TET3: variants seen among roughly 807,000 people sequenced by gnomAD.
TET3 encodes the protein tet methylcytosine dioxygenase 3, also known as methylcytosine dioxygenase TET3.
In TET3, 19 loss-of-function variants were observed where a neutral mutation model predicts 141.4. That is an observed-to-expected ratio of 0.13 (90% confidence interval 0.09 to 0.20). The LOEUF (loss-of-function observed/expected upper bound fraction) is 0.20. Among genes scored for constraint, TET3 ranks in the 10% least tolerant of loss-of-function variants. The probability of loss-of-function intolerance (pLI) is 1.00; values close to 1 mark genes in which losing one functional copy is unlikely to be tolerated. For synonymous variants in TET3, 1,043 were observed against 980.9 expected (o/e 1.06, Z -1.18); for missense variants, 1,874 against 2,356.9 (o/e 0.80, Z 4.24).
the TET3 span, among the ~76,000 whole-genome samples, chr2:74,131,320 C>T: frequency 6.6e-6 from 1 of 152,148 alleles, no homozygotes; most frequent in African/African-American, 2.4e-5. Flanking sequence ...CCGCACTTCC[C>T]GATTTGGATT....
At chr2:73,996,487 G>C (rs1684600203) in intron 2 of TET3, among the ~76,000 whole-genome samples, 2 of 152,210 alleles carry the variant, frequency 1.3e-5, no homozygotes, top group South Asian at 4.2e-4. Context: ...ATTTGCATAG[G>C]AAATCTGATA....
chr2:74,043,655 G>A (rs1160875121), intron 3 of TET3, among the ~76,000 whole-genome samples: 4 of 152,204 alleles, frequency 2.6e-5, no homozygotes, highest in Non-Finnish European at 5.9e-5. Flanking sequence ...AAAGCCTGGT[G>A]ACATCAGAGA....
At chr2:74,128,125 C>T in the TET3 span, among the ~76,000 whole-genome samples, 1 of 152,186 alleles carries the variant, frequency 6.6e-6, no homozygotes, top group Admixed American at 6.6e-5. Flanking sequence ...CAGTGTTCTC[C>T]TTAAACCCAT....
the TET3 span, chr2:74,135,042 C>T: frequency 8.3e-6 from 2 of 239,586 alleles, no homozygotes; most frequent in East Asian, 1.1e-4. Context: ...GGCTCTGCCT[C>T]CTACCAAGAA....
intron 4 of TET3, among the ~76,000 whole-genome samples, chr2:74,054,074 A>G (rs1688087876): frequency 6.6e-6 from 1 of 152,148 alleles, no homozygotes; most frequent in Non-Finnish European, 1.5e-5. Flanking sequence ...GACATGTGGA[A>G]AGACACATGA....
At chr2:74,048,514 C>G in intron 4 of TET3, 103 bp downstream of exon 4, 1 of 1,235,398 alleles carries the variant, frequency 8.1e-7, no homozygotes, top group Non-Finnish European at 1.1e-6. Flanking sequence ...TTATTTGTGC[C>G]AACTGCCACA....
chr2:74,081,185 A>G (rs1036216844), intron 6 of TET3, among the ~76,000 whole-genome samples: 1 of 152,190 alleles, frequency 6.6e-6, no homozygotes, highest in Non-Finnish European at 1.5e-5. Flanking sequence ...CACAGGGAGA[A>G]CATCAGTGAC....
At chr2:74,043,917 T>G (rs1687475043) in intron 3 of TET3, among the ~76,000 whole-genome samples, 2 of 151,968 alleles carry the variant, frequency 1.3e-5, no homozygotes, top group South Asian at 4.1e-4. Flanking sequence ...CCCAACACTT[T>G]AGGAGGCTAA....
At chr2:74,036,955 A>G (rs1445767282) in intron 3 of TET3, among the ~76,000 whole-genome samples, 1 of 152,166 alleles carries the variant, frequency 6.6e-6, no homozygotes, top group African/African-American at 2.4e-5. Flanking sequence ...AAAAAATTAG[A>G]TTTTAAAATG....
chr2:74,037,517 TG>T (rs1436805085), intron 3 of TET3, among the ~76,000 whole-genome samples: 1 of 152,184 alleles, frequency 6.6e-6, no homozygotes, highest in Non-Finnish European at 1.5e-5. Context: ...AAGTACTGGG[TG>T]GAGTTTACTG....
At chr2:74,127,418 G>A in the TET3 span, among the ~76,000 whole-genome samples, 1 of 152,154 alleles carries the variant, frequency 6.6e-6, no homozygotes. Flanking sequence ...ATTGTAGTGA[G>A]AAAATCAGCT....
the TET3 span, among the ~76,000 whole-genome samples, chr2:74,127,443 G>A: frequency 3.3e-5 from 5 of 152,168 alleles, no homozygotes; most frequent in African/African-American, 1.2e-4. Flanking sequence ...TGGAAACCAT[G>A]GGGATTGGTT....
chr2:74,043,732 C>T (rs1457224502), intron 3 of TET3, among the ~76,000 whole-genome samples: 1 of 152,150 alleles, frequency 6.6e-6, no homozygotes, highest in Non-Finnish European at 1.5e-5. Flanking sequence ...GAGGATGAGA[C>T]AGGAACTGCG....
chr2:74,046,891 G>A lies in TET3; in HGVS notation c.974G>A (p.Ser325Asn), dbSNP rs774434122. The change falls in exon 4 of 12, where the codon AGC (serine) becomes AAC (asparagine). Residue 325 changes from serine (S) to asparagine (N), a missense_variant. By Grantham distance (46) the Ser-to-Asn change is conservative. Transcript: ENST00000409262. This position sits in a 1 kb window ranked among gnomAD's most constrained non-coding sequence, Gnocchi z 4.3. ...GCACCAAGCACCAGGCCACTCCTCA[G>A]CTCAGAGGTGCCCCAGATCTCTCCC... ...LPAPSTRPLL[S>N]SEVPQISPQE... The A allele has an allele frequency of 1.9e-6, 3 of 1,613,766 alleles. No individual in the cohort carries two copies. The highest frequency in any genetic ancestry group is 1.7e-5 in the Admixed American group (1 of 60,024).
chr2:74,032,447 GTCTC>G (rs148094084), intron 3 of TET3, among the ~76,000 whole-genome samples: 6 of 65,496 alleles, frequency 9.2e-5, no homozygotes, highest in African/African-American at 5.4e-4. Context: ...AGAGGGGTGT[GTCTC>G]TGTGTGTGTG....
In TET3 at chr2:74,088,207, T is replaced by G. The variant is rs1399009756; in HGVS notation, c.2888+169T>G. ...AGGAAGGCATATCCACAGATCTTGC[T>G]TGAGCTGGGTTCTAGCTCTGGCTCC... is the stretch of plus-strand genomic sequence containing the variant. On this transcript the variant is annotated intron_variant, in intron 7 of 11. Coordinates refer to ENST00000409262, the MANE Select transcript of TET3 (RefSeq NM_001287491.2). Among the ~76,000 whole-genome samples, 9 of 152,210 alleles carry G rather than the reference T, an allele frequency of 5.9e-5. 1 individual carries two copies. The highest frequency in any genetic ancestry group is 5.9e-4 in the Admixed American group (9 of 15,278).
chr2:73,992,571 C>T (rs1684387440), intron 2 of TET3, among the ~76,000 whole-genome samples: 1 of 152,112 alleles, frequency 6.6e-6, no homozygotes, highest in South Asian at 2.1e-4. Context: ...ACCTTGGCCT[C>T]CGAAAGTGCT....
chr2:74,023,642 G>A (rs1205474075), intron 3 of TET3, among the ~76,000 whole-genome samples: 4 of 152,208 alleles, frequency 2.6e-5, no homozygotes, highest in Non-Finnish European at 5.9e-5. Flanking sequence ...GCCACATCTG[G>A]TTGGTGACTT....
Position 74,092,669 on chromosome 2 carries a change from A to T in TET3, c.3040-233A>T, listed in dbSNP as rs577968452. ...AAGGAGCAGTAGTTTAGCAGTCAGG[A>T]TGACTAGACCTTCAGGCCGTGGCTT... On this transcript the variant is annotated intron_variant, in intron 8 of 11. Coordinates refer to ENST00000409262, the MANE Select transcript of TET3 (RefSeq NM_001287491.2). Among the ~76,000 whole-genome samples, 6 of 152,302 alleles carry T rather than the reference A, an allele frequency of 3.9e-5. No individual in the cohort carries two copies. The East Asian group carries it at 1.2e-3, about 29-fold the overall frequency.
Sources: gnomAD v4.1 joint callset for allele counts (sites outside exome capture counted in the v4.1 genomes callset) on GRCh38, gnomAD v4.1.1 for gene constraint, Gnocchi (gnomAD v3.1) non-coding constraint, MANE v1.5 for transcripts, NCBI Gene and HGNC (gene_info 2026-07-23, HGNC 2026-07-21) for gene names.